The following DEFB125 variants were observed in gnomAD, a reference collection of about 807,000 sequenced individuals.
The protein encoded by DEFB125 is beta-defensin 125.
DEFB125 carries 11 observed loss-of-function variants against 11.8 expected under a neutral mutation model. The observed-to-expected ratio is 0.94, with a 90% CI of 0.59 to 1.55. The LOEUF (loss-of-function observed/expected upper bound fraction) is 1.55. Ranked by LOEUF, DEFB125 falls within the 40% of genes most tolerant of loss-of-function variation. The pLI is 0.00. For missense variants in DEFB125, 198 were observed against 191.2 expected (o/e 1.04, Z -0.21); for synonymous variants, 79 against 66.7 (o/e 1.18, Z -0.90).
chr20:88,986 T>G (rs2054486978), intron 1 of DEFB125, among the ~76,000 whole-genome samples: 1 of 152,162 alleles, frequency 6.6e-6, no homozygotes, highest in African/African-American at 2.4e-5. Context: ...CAGTCCTTTT[T>G]GTTTTTTCTA....
At position 96,466 on chromosome 20, in the gene DEFB125, A is replaced by T. The variant is rs781627519; in HGVS notation, c.*49A>T. On this transcript the variant is annotated 3_prime_UTR_variant, in exon 2 of 2. Coordinates refer to ENST00000382410, the MANE Select transcript of DEFB125 (RefSeq NM_153325.4). ...ACAACTAGAAATACTGCTGGAAATAATATCCAAAGAGCTGATTCTACCAAT... is the reference window on the plus strand; with the variant it reads ...ACAACTAGAAATACTGCTGGAAATATTATCCAAAGAGCTGATTCTACCAAT... 12 of 1,549,190 alleles carry T rather than the reference A, an allele frequency of 7.7e-6. No homozygotes were observed. The highest frequency in any genetic ancestry group is 7.8e-6 in the Non-Finnish European group (9 of 1,151,954).
chr20:87,812 T>C, intron 1 of DEFB125, 45 bp downstream of exon 1: 1 of 1,602,224 alleles, frequency 6.2e-7, no homozygotes, highest in South Asian at 1.1e-5. Context: ...GGATGAGTTG[T>C]TGCCCTTGGG....
chr20:94,512 A>C (rs1256960375), intron 1 of DEFB125, among the ~76,000 whole-genome samples: 1 of 152,066 alleles, frequency 6.6e-6, no homozygotes, highest in East Asian at 1.9e-4. Flanking sequence ...CCTCACATGC[A>C]CAGTTCACAA....
chr20:90,740 A>G (rs1264831663), intron 1 of DEFB125, among the ~76,000 whole-genome samples: 1 of 152,028 alleles, frequency 6.6e-6, no homozygotes, highest in East Asian at 1.9e-4. Flanking sequence ...TGTTCACTCC[A>G]CTACAGCCAC....
intron 1 of DEFB125, among the ~76,000 whole-genome samples, chr20:91,933 T>C (rs1050137523): frequency 6.6e-6 from 1 of 152,030 alleles, no homozygotes; most frequent in Non-Finnish European, 1.5e-5. Flanking sequence ...ATCGAGCCAG[T>C]AAAATAACAA....
In DEFB125 at chr20:96,075, A is replaced by C. The variant is rs751532285; in HGVS notation, c.129A>C (p.Glu43Asp). 1 of 1,613,928 alleles carries C rather than the reference A, an allele frequency of 6.2e-7. No individual in the cohort carries two copies. The highest frequency in any genetic ancestry group is 8.5e-7 in the Non-Finnish European group (1 of 1,179,940). The change falls in exon 2 of 2, where the codon GAA becomes GAC. Residue 43 changes from glutamate to aspartate, a missense_variant. By Grantham distance (45) the Glu-to-Asp change is conservative. Coordinates refer to ENST00000382410, the MANE Select transcript of DEFB125 (RefSeq NM_153325.4). ...GHCRRRCLDT[E>D]RYILLCRNKL... Reference sequence around the variant, plus strand: ...GCAGAAGACGATGTTTAGATACTGAAAGGTACATACTTCTTTGTAGGAACA... The same window carrying C: ...GCAGAAGACGATGTTTAGATACTGACAGGTACATACTTCTTTGTAGGAACA...
At chr20:94,249 G>A (rs2054506668) in intron 1 of DEFB125, among the ~76,000 whole-genome samples, 1 of 151,876 alleles carries the variant, frequency 6.6e-6, no homozygotes, top group South Asian at 2.1e-4. Context: ...TCAAACATTT[G>A]TCATTTTTTT....
At chr20:88,447 A>G (rs976925954) in intron 1 of DEFB125, among the ~76,000 whole-genome samples, 1 of 152,158 alleles carries the variant, frequency 6.6e-6, no homozygotes, top group Admixed American at 6.5e-5. Flanking sequence ...GTATCAAGCA[A>G]TCGATGGATT....
At chr20:93,729 G>A (rs762630930) in intron 1 of DEFB125, among the ~76,000 whole-genome samples, 6 of 152,066 alleles carry the variant, frequency 3.9e-5, no homozygotes, top group Non-Finnish European at 5.9e-5. Flanking sequence ...ACTTGCAATT[G>A]TCAGTATCTC....
Position 96,766 on chromosome 20 carries a change from G to A in DEFB125, c.*349G>A, listed in dbSNP as rs2054517503. The stretch of plus-strand genomic sequence containing the variant: ...AAAACAAAAACGAAGACCATTGTTT[G>A]GAGCTGCCTCTTATGACTAAGACAA... On this transcript the variant is annotated 3_prime_UTR_variant, in exon 2 of 2. Transcript: ENST00000382410. The A allele has an allele frequency of 4.6e-6, 1 of 217,002 alleles. No individual in the cohort carries two copies. The highest frequency in any genetic ancestry group is 9.2e-6 in the Non-Finnish European group (1 of 109,254). 13.4% of individuals were successfully genotyped at this position (217,002 alleles called of 1,614,324 possible).
intron 1 of DEFB125, among the ~76,000 whole-genome samples, chr20:92,567 A>T (rs1156412408): frequency 6.6e-6 from 1 of 151,478 alleles, no homozygotes; most frequent in Admixed American, 6.6e-5. Flanking sequence ...TAATTTTTAT[A>T]TTTTTAGTAG....
intron 1 of DEFB125, among the ~76,000 whole-genome samples, chr20:92,250 A>T (rs1355761089): frequency 6.6e-6 from 1 of 152,082 alleles, no homozygotes; most frequent in Non-Finnish European, 1.5e-5. Flanking sequence ...GTCTTGAGAA[A>T]GATGATCATG....
chr20:89,610 G>A (rs2054488947), intron 1 of DEFB125, among the ~76,000 whole-genome samples: 1 of 151,950 alleles, frequency 6.6e-6, no homozygotes, highest in South Asian at 2.1e-4. Context: ...TTATAGACAA[G>A]GATGGCTAGT....
Position 92,495 on chromosome 20 carries a change from T to A in DEFB125, c.59-3510T>A, listed in dbSNP as rs143086514. Among the ~76,000 whole-genome samples, 435 of 151,310 alleles carry A rather than the reference T, an allele frequency of 2.9e-3. 5 individuals are homozygous for A. The highest frequency in any genetic ancestry group is 9.9e-3 in the African/African-American group (409 of 41,172). ...GCAACCGCCAACTCCCTGGTTCAAG[T>A]GATTCTCCTGCCTCAGCCTCCCGAG... On this transcript the variant is annotated intron_variant, in intron 1 of 1. Coordinates refer to ENST00000382410, the MANE Select transcript of DEFB125 (RefSeq NM_153325.4).
chr20:96,248 C>T lies in DEFB125; in HGVS notation c.302C>T (p.Thr101Ile). ...GTATCTATGTTGAATGATCTGATAACATTTGACACAACTAAATTTGGAGAA... is the reference window on the plus strand; with the variant it reads ...GTATCTATGTTGAATGATCTGATAATATTTGACACAACTAAATTTGGAGAA... ...SPVSMLNDLI[T>I]FDTTKFGETM... Residue 101 changes from threonine (T) to isoleucine (I), a missense_variant, in exon 2 of 2, where the codon ACA becomes ATA. Thr to Ile is a moderately conservative substitution (Grantham distance 89). Transcript: ENST00000382410. 1 of 1,614,162 alleles carries T rather than the reference C, an allele frequency of 6.2e-7. No individual in the cohort carries two copies. The highest frequency in any genetic ancestry group is 8.5e-7 in the Non-Finnish European group (1 of 1,180,034).
intron 1 of DEFB125, among the ~76,000 whole-genome samples, chr20:88,688 C>T (rs903807501): frequency 5.9e-5 from 9 of 152,126 alleles, no homozygotes; most frequent in Admixed American, 2.6e-4. Flanking sequence ...CTTATCCATA[C>T]ATAAACCTAG....
intron 1 of DEFB125, among the ~76,000 whole-genome samples, chr20:89,133 A>T (rs536439252): frequency 6.6e-6 from 1 of 152,300 alleles, no homozygotes; most frequent in East Asian, 1.9e-4. Flanking sequence ...TTTCTTAATT[A>T]TCTTTATATA....
chr20:93,677 A>AT (rs2054504642), intron 1 of DEFB125, among the ~76,000 whole-genome samples: 1 of 152,156 alleles, frequency 6.6e-6, no homozygotes, highest in Non-Finnish European at 1.5e-5. Flanking sequence ...AACTTTCCCC[A>AT]TAACCTTTTA....
rs1409350974 is a variant in DEFB125, at chr20:96,247, A to C, written c.301A>C (p.Thr101Pro). The C allele has an allele frequency of 6.2e-7, 1 of 1,614,070 alleles. No homozygotes were observed. Among genetic ancestry groups the C allele is most frequent in the Non-Finnish European group, 8.5e-7 (1 of 1,180,048 alleles). The change falls in exon 2 of 2, where the codon ACA becomes CCA. Residue 101 changes from threonine to proline, a missense_variant. Thr to Pro is a conservative substitution (Grantham distance 38, BLOSUM62 -1). Coordinates refer to ENST00000382410, the MANE Select transcript of DEFB125 (RefSeq NM_153325.4). The stretch of plus-strand genomic sequence containing the variant: ...AGTATCTATGTTGAATGATCTGATA[A>C]CATTTGACACAACTAAATTTGGAGA... ...SPVSMLNDLITFDTTKFGETM... is the reference protein window; with the variant it reads ...SPVSMLNDLIPFDTTKFGETM...
Sources: gnomAD v4.1 joint callset for allele counts (sites outside exome capture counted in the v4.1 genomes callset) on GRCh38, gnomAD v4.1.1 for gene constraint, MANE v1.5 for transcripts, NCBI Gene and HGNC (gene_info 2026-07-23, HGNC 2026-07-21) for gene names.